PCBP3: variants seen among roughly 807,000 people sequenced by gnomAD.
The protein encoded by PCBP3 is poly(rC) binding protein 3.
A neutral mutation model predicts 52.7 loss-of-function variants in PCBP3; 25 were observed. The observed-to-expected ratio is 0.47, with a 90% CI of 0.35 to 0.66. The LOEUF (loss-of-function observed/expected upper bound fraction) is 0.66, where lower values mean the gene tolerates loss of function less well. PCBP3 is among the 30% of genes least tolerant of loss of function. The pLI is 0.01. For missense variants in PCBP3, 391 were observed against 490.3 expected, an observed-to-expected ratio of 0.80 and a Z score of 1.91; for synonymous variants, 162 against 183.0, an observed-to-expected ratio of 0.89 and a Z score of 0.93.
chr21:45,803,739 C>G (rs1465862829), intron 4 of PCBP3, among the ~76,000 whole-genome samples: 1 of 152,186 alleles, frequency 6.6e-6, no homozygotes, highest in Non-Finnish European at 1.5e-5. Context: ...GCAGTATGGG[C>G]TCCAAGAGGC....
chr21:45,915,635 A>G (rs566787725), intron 12 of PCBP3: 13 of 152,322 alleles, frequency 8.5e-5, no homozygotes, highest in African/African-American at 2.9e-4. Flanking sequence ...CGCCCTCCCT[A>G]CTGCAGCAGG....
intron 1 of PCBP3, among the ~76,000 whole-genome samples, chr21:45,661,328 T>C (rs1304392504): frequency 6.6e-5 from 10 of 152,018 alleles, no homozygotes; most frequent in African/African-American, 1.2e-4. Context: ...TTTCCAAATA[T>C]CTGGTGTCTA....
Position 45,802,053 on chromosome 21 carries a change from C to T in PCBP3, c.-126+46601C>T, listed in dbSNP as rs906523609. Among the ~76,000 whole-genome samples the T allele has an allele frequency of 6.6e-6, 1 of 152,204 alleles. No individual in the cohort carries two copies. Among genetic ancestry groups the T allele is most frequent in the Non-Finnish European group, 1.5e-5 (1 of 68,040 alleles). On this transcript the variant is annotated intron_variant, in intron 4 of 17. Transcript: ENST00000681687. This position sits in a 1 kb window ranked among gnomAD's most constrained non-coding sequence, Gnocchi z 5.1. ...CTCCCCTCCTCTTCCTTGAGGGCAT[C>T]GTCATGATTCAGCAGTGACTTCTGG...
At chr21:45,647,590 T>C (rs1307814764) in intron 1 of PCBP3, among the ~76,000 whole-genome samples, 1 of 152,156 alleles carries the variant, frequency 6.6e-6, no homozygotes, top group Non-Finnish European at 1.5e-5. Context: ...TATACATTTA[T>C]TAGAAAAAGA....
At chr21:45,918,191 C>T (rs1018686345) in intron 13 of PCBP3, 12 of 166,994 alleles carry the variant, frequency 7.2e-5, no homozygotes, top group Admixed American at 2.4e-4. Context: ...GCGGGCATAG[C>T]GTCCTTGGCT....
intron 5 of PCBP3, among the ~76,000 whole-genome samples, chr21:45,870,563 C>A (rs894835741): frequency 4.1e-4 from 62 of 152,338 alleles, no homozygotes; most frequent in African/African-American, 1.3e-3. Context: ...TGCGGCCAGA[C>A]CCGGTTGGGA....
intron 8 of PCBP3, 119 bp downstream of exon 8, chr21:45,900,742 G>T: frequency 1.2e-6 from 1 of 833,398 alleles, no homozygotes; most frequent in Admixed American, 2.0e-5. Flanking sequence ...TGTGTGGGGA[G>T]TGCAGTGCGG....
chr21:45,663,428 C>T (rs1458978842), intron 1 of PCBP3, among the ~76,000 whole-genome samples: 2 of 152,130 alleles, frequency 1.3e-5, no homozygotes, highest in East Asian at 1.9e-4. Context: ...TGCCATCTCT[C>T]ATCTCTGTGC....
intron 3 of PCBP3, chr21:45,749,700 G>C (rs999243751): frequency 1.2e-4 from 19 of 152,278 alleles, no homozygotes; most frequent in Admixed American, 1.1e-3. Context: ...CTAGACATTG[G>C]TCCCTGAGGA....
At chr21:45,878,229 G>A (rs1326478726) in intron 5 of PCBP3, among the ~76,000 whole-genome samples, 2 of 152,260 alleles carry the variant, frequency 1.3e-5, no homozygotes, top group Non-Finnish European at 2.9e-5. Context: ...CAGAGGACCT[G>A]TGGTCTCAGA....
At chr21:45,898,018 TTCC>T (rs2095875563) in intron 6 of PCBP3, among the ~76,000 whole-genome samples, 5 of 152,056 alleles carry the variant, frequency 3.3e-5, no homozygotes, top group Non-Finnish European at 5.9e-5. Flanking sequence ...CATCCTAGAT[TTCC>T]GGGAAGACAC....
At chr21:45,843,812 G>A (rs1435505525) in intron 4 of PCBP3, among the ~76,000 whole-genome samples, 1 of 152,148 alleles carries the variant, frequency 6.6e-6, no homozygotes, top group Non-Finnish European at 1.5e-5. Flanking sequence ...TTCTCTGAGA[G>A]CCTTAGGAGA....
intron 4 of PCBP3, among the ~76,000 whole-genome samples, chr21:45,808,614 T>C (rs1458840363): frequency 1.3e-5 from 2 of 152,142 alleles, no homozygotes; most frequent in African/African-American, 4.8e-5. Flanking sequence ...GTTCAACCAT[T>C]GTGGAAGACA....
Position 45,928,683 on chromosome 21 carries a change from C to G in PCBP3, c.718-1234C>G, listed in dbSNP as rs903486197. On this transcript the variant is annotated intron_variant, in intron 13 of 17. Coordinates refer to ENST00000681687, the MANE Select transcript of PCBP3 (RefSeq NM_001384156.1). This position sits in a 1 kb window ranked among gnomAD's most constrained non-coding sequence, Gnocchi z 4.1. Reference sequence around the variant, plus strand: ...AGATGGCAGCTCTGCTCCGAGCGCCCACACCCCCCAGCATTGGTGGCCTCT... The same window carrying G: ...AGATGGCAGCTCTGCTCCGAGCGCCGACACCCCCCAGCATTGGTGGCCTCT... Among the ~76,000 whole-genome samples the G allele has an allele frequency of 3.9e-5, 6 of 152,198 alleles. No individual in the cohort carries two copies. The highest frequency in any genetic ancestry group is 1.5e-5 in the Non-Finnish European group (1 of 68,014).
chr21:45,844,473 G>A (rs1422871175), intron 4 of PCBP3, among the ~76,000 whole-genome samples: 1 of 152,096 alleles, frequency 6.6e-6, no homozygotes, highest in African/African-American at 2.4e-5. Context: ...TGTTGCAGCC[G>A]CAGGACACCT....
chr21:45,756,463 C>CA (rs772263214), intron 4 of PCBP3, among the ~76,000 whole-genome samples: 4 of 152,064 alleles, frequency 2.6e-5, no homozygotes, highest in East Asian at 3.9e-4. Context: ...TCAATTTCTA[C>CA]AAAAAAAGAC....
intron 1 of PCBP3, among the ~76,000 whole-genome samples, chr21:45,644,963 A>G (rs2079160262): frequency 6.6e-6 from 1 of 152,226 alleles, no homozygotes; most frequent in Non-Finnish European, 1.5e-5. Context: ...TTCCCTATTT[A>G]AGAGAACTAA....
intron 13 of PCBP3, among the ~76,000 whole-genome samples, chr21:45,929,035 C>T (rs1409740908): frequency 6.6e-6 from 1 of 152,204 alleles, no homozygotes; most frequent in South Asian, 2.1e-4. Flanking sequence ...CAGCCCTGGG[C>T]TCTCCAAAGG....
intron 4 of PCBP3, among the ~76,000 whole-genome samples, chr21:45,759,047 TATG>T (rs1882491038): frequency 6.6e-6 from 1 of 152,354 alleles, no homozygotes; most frequent in African/African-American, 2.4e-5. Flanking sequence ...CCTACTAAGT[TATG>T]ATGTGTTACA....
Sources: gnomAD v4.1 joint callset for allele counts (sites outside exome capture counted in the v4.1 genomes callset) on GRCh38, gnomAD v4.1.1 for gene constraint, Gnocchi (gnomAD v3.1) non-coding constraint, MANE v1.5 for transcripts, NCBI Gene and HGNC (gene_info 2026-07-23, HGNC 2026-07-21) for gene names.